EHMT1: variants seen among roughly 807,000 people sequenced by gnomAD.
The protein encoded by EHMT1 is histone-lysine N-methyltransferase EHMT1.
A neutral mutation model predicts 147.2 loss-of-function variants in EHMT1; 15 were observed. The observed-to-expected ratio is 0.10, with a 90% confidence interval of 0.07 to 0.16. The LOEUF (loss-of-function observed/expected upper bound fraction) is 0.16. EHMT1 is among the 10% of genes least tolerant of loss of function. The pLI is 1.00. For missense variants in EHMT1, 1,587 were observed against 1,772.4 expected (o/e 0.90, Z 1.88); for synonymous variants, 795 against 709.6 (o/e 1.12, Z -1.91).
rs559289142 is a variant in EHMT1, at chr9:137,690,695, A to G, written c.22-20272A>G. On this transcript the variant is annotated intron_variant, in intron 1 of 26. Coordinates refer to ENST00000460843, the MANE Select transcript of EHMT1 (RefSeq NM_024757.5). Reference sequence around the variant, plus strand: ...AGTGATTCTCCTGCCTTAGCCTCCCAAGTAGCTGGGATTACAGGCGTGTGC... The same window carrying G: ...AGTGATTCTCCTGCCTTAGCCTCCCGAGTAGCTGGGATTACAGGCGTGTGC... Among the ~76,000 whole-genome samples, 17 of 152,044 alleles carry G rather than the reference A, an allele frequency of 1.1e-4. No homozygotes were observed. In the East Asian group the frequency reaches 3.3e-3, roughly 29 times the overall value.
intron 4 of EHMT1, among the ~76,000 whole-genome samples, chr9:137,741,412 G>C (rs1202450822): frequency 1.3e-5 from 2 of 150,338 alleles, no homozygotes; most frequent in African/African-American, 4.8e-5. Context: ...GCAAACGTCA[G>C]CGCCTTTGTG....
intron 1 of EHMT1, among the ~76,000 whole-genome samples, chr9:137,632,814 C>T (rs1334919471): frequency 6.6e-6 from 1 of 152,178 alleles, no homozygotes; most frequent in Admixed American, 6.5e-5. Flanking sequence ...TAGCATCACA[C>T]GGGGCAGGTT....
At chr9:137,699,086 G>A (rs898541792) in intron 1 of EHMT1, among the ~76,000 whole-genome samples, 4 of 152,354 alleles carry the variant, frequency 2.6e-5, no homozygotes, top group African/African-American at 4.8e-5. Context: ...GTGCAGGTGC[G>A]GCTGAGGAGG....
At chr9:137,777,490 A>G (rs1406863266) in intron 12 of EHMT1, 1 of 259,150 alleles carries the variant, frequency 3.9e-6, no homozygotes, top group Non-Finnish European at 7.5e-6. Flanking sequence ...TAATATAAAG[A>G]AAATAAACTT....
At chr9:137,760,804 T>G (rs895197545) in intron 9 of EHMT1, among the ~76,000 whole-genome samples, 2 of 152,076 alleles carry the variant, frequency 1.3e-5, no homozygotes, top group Non-Finnish European at 2.9e-5. Context: ...GGTCAGGAGA[T>G]CGAGACCATC....
intron 25 of EHMT1, among the ~76,000 whole-genome samples, chr9:137,822,060 G>A (rs766793216): frequency 2.0e-5 from 3 of 152,160 alleles, no homozygotes; most frequent in Admixed American, 6.5e-5. Flanking sequence ...GAGCATTTCT[G>A]TCACCCCCAA....
chr9:137,619,337 G>C (rs1842804878), intron 1 of EHMT1, among the ~76,000 whole-genome samples: 1 of 151,044 alleles, frequency 6.6e-6, no homozygotes, highest in Non-Finnish European at 1.5e-5. Context: ...CCGCGTACCT[G>C]TGCCCGCGCC....
chr9:137,752,702 G>A (rs1248152458), intron 7 of EHMT1, among the ~76,000 whole-genome samples: 2 of 152,148 alleles, frequency 1.3e-5, no homozygotes, highest in Non-Finnish European at 2.9e-5. Flanking sequence ...AGGGTGTGGT[G>A]GGAGCCGGCA....
In EHMT1 at chr9:137,775,205, A is replaced by G; in HGVS notation, c.1744A>G (p.Met582Val). The change falls in exon 11 of 27, where the codon ATG becomes GTG. Residue 582 changes from methionine (M) to valine (V), a missense_variant. Physicochemically the swap from Met to Val is conservative, Grantham distance 21. Coordinates refer to ENST00000460843, the MANE Select transcript of EHMT1 (RefSeq NM_024757.5). The surrounding 1 kb of genome is among the most constrained non-coding windows in gnomAD (Gnocchi z 6.1). ...LVLCEDHRGR[M>V]VKHQCCPGCG... ...GCTGTGTGAAGACCACCGGGGCCGC[A>G]TGGTGAAGCACCAGTGCTGTCCTGG... is the stretch of plus-strand genomic sequence containing the variant. 6.2e-7 allele frequency: 1 copy of G among 1,613,498 alleles called. No individual in the cohort carries two copies. Among genetic ancestry groups the G allele is most frequent in the Non-Finnish European group, 8.5e-7 (1 of 1,180,006 alleles).
chr9:137,636,134 C>T (rs148951668), intron 1 of EHMT1, among the ~76,000 whole-genome samples: 82 of 152,140 alleles, frequency 5.4e-4, no homozygotes, highest in Middle Eastern at 3.4e-3. Flanking sequence ...TTTGGCCAGG[C>T]TGATCTTGAA....
intron 1 of EHMT1, among the ~76,000 whole-genome samples, chr9:137,668,764 T>C (rs1430510573): frequency 6.6e-6 from 1 of 152,178 alleles, no homozygotes; most frequent in Non-Finnish European, 1.5e-5. Flanking sequence ...TGGACAGTGC[T>C]GCCATGAACA....
chr9:137,678,985 G>T (rs1228940786), intron 1 of EHMT1, among the ~76,000 whole-genome samples: 2 of 152,060 alleles, frequency 1.3e-5, no homozygotes, highest in African/African-American at 4.8e-5. Flanking sequence ...ATGGAGTCTG[G>T]CTCTGTCGCC....
chr9:137,683,848 G>A (rs1414809847), intron 1 of EHMT1, among the ~76,000 whole-genome samples: 1 of 151,788 alleles, frequency 6.6e-6, no homozygotes, highest in African/African-American at 2.4e-5. Context: ...TCCCATTCAA[G>A]CAGAATGTCC....
chr9:137,653,515 C>T (rs1938090593), intron 1 of EHMT1, among the ~76,000 whole-genome samples: 2 of 151,982 alleles, frequency 1.3e-5, no homozygotes, highest in South Asian at 4.2e-4. Flanking sequence ...AGACTAAGGG[C>T]TTGATTTTCT....
At chr9:137,629,498 ATTC>A (rs945212462) in intron 1 of EHMT1, among the ~76,000 whole-genome samples, 10 of 151,220 alleles carry the variant, frequency 6.6e-5, no homozygotes, top group Admixed American at 6.6e-4. Flanking sequence ...GGTTCTCGCC[ATTC>A]TTCTGCCTCA....
rs1354189135 is a variant in EHMT1, at chr9:137,679,437, G to T, written c.22-31530G>T. On this transcript the variant is annotated intron_variant, in intron 1 of 26. Coordinates refer to ENST00000460843, the MANE Select transcript of EHMT1 (RefSeq NM_024757.5). ...CAGTGTGGCACCCTCTTGACATGCG[G>T]TTGCATTCATTTGCTGATGTTTTGT... 2.6e-5 allele frequency among the ~76,000 whole-genome samples: 4 copies of T among 152,276 alleles called. No individual in the cohort carries two copies. The East Asian group carries it at 5.8e-4, about 22-fold the overall frequency.
chr9:137,787,787 C>T lies in EHMT1; in HGVS notation c.2383-3061C>T. On this transcript the variant is annotated intron_variant, in intron 15 of 26. Transcript: ENST00000460843. The surrounding 1 kb of genome is among the most constrained non-coding windows in gnomAD (Gnocchi z 4.2). ...ACCCTGGAAGAGGGCGTCTAGATCC[C>T]AGCCCTGGGGGCCCTCAGGTTTCAG... 1.2e-6 allele frequency: 1 copy of T among 849,642 alleles called. No homozygotes were observed. The highest frequency in any genetic ancestry group is 2.0e-6 in the Non-Finnish European group (1 of 487,860). The allele number at this position is 849,642 out of a possible 1,614,324, so 52.6% of individuals were successfully genotyped here.
intron 1 of EHMT1, among the ~76,000 whole-genome samples, chr9:137,628,593 C>G (rs1843416292): frequency 6.6e-6 from 1 of 152,164 alleles, no homozygotes; most frequent in South Asian, 2.1e-4. Context: ...GAAGCATTTT[C>G]CATAAATCTT....
intron 1 of EHMT1, among the ~76,000 whole-genome samples, chr9:137,644,328 C>CTT (rs34190370): frequency 1.7e-4 from 25 of 145,380 alleles, no homozygotes; most frequent in Admixed American, 3.4e-4. Context: ...CAGTCACATA[C>CTT]TTTTTTTTTT....
Sources: gnomAD v4.1 joint callset for allele counts (sites outside exome capture counted in the v4.1 genomes callset) on GRCh38, gnomAD v4.1.1 for gene constraint, Gnocchi (gnomAD v3.1) non-coding constraint, MANE v1.5 for transcripts, NCBI Gene and HGNC (gene_info 2026-07-23, HGNC 2026-07-21) for gene names.